SLC35F3: variants seen among roughly 807,000 people sequenced by gnomAD.
The protein encoded by SLC35F3 is putative thiamine transporter SLC35F3.
SLC35F3 carries 25 observed loss-of-function variants against 49.9 expected under a neutral mutation model. That is an observed-to-expected ratio of 0.50 (90% CI 0.37 to 0.70). The LOEUF (loss-of-function observed/expected upper bound fraction) is 0.70. Ranked by LOEUF, SLC35F3 falls within the 30% of genes least tolerant of loss-of-function variation. The pLI is 0.00. For synonymous variants in SLC35F3, 275 were observed against 265.4 expected, an observed-to-expected ratio of 1.04 and a Z score of -0.35; for missense variants, 525 against 639.8, an observed-to-expected ratio of 0.82 and a Z score of 1.94.
chr1:234,155,328 T>G (rs1267491769), intron 2 of SLC35F3, among the ~76,000 whole-genome samples: 1 of 152,124 alleles, frequency 6.6e-6, no homozygotes, highest in African/African-American at 2.4e-5. Flanking sequence ...ACTGGTTTCT[T>G]AGCCCCTTCT....
At chr1:234,049,945 T>C (rs1351078329) in intron 2 of SLC35F3, among the ~76,000 whole-genome samples, 1 of 152,232 alleles carries the variant, frequency 6.6e-6, no homozygotes, top group African/African-American at 2.4e-5. Context: ...GCTTCATCCA[T>C]GTCCCTACAA....
intron 2 of SLC35F3, among the ~76,000 whole-genome samples, chr1:234,094,775 G>A (rs1665093733): frequency 6.6e-6 from 1 of 152,134 alleles, no homozygotes; most frequent in South Asian, 2.1e-4. Context: ...GATGGCAATT[G>A]GTGAAGTAGA....
chr1:234,127,367 T>C (rs1484748487), intron 2 of SLC35F3, among the ~76,000 whole-genome samples: 2 of 152,214 alleles, frequency 1.3e-5, no homozygotes. Flanking sequence ...ATCATGTCAT[T>C]GCACCTATTT....
In SLC35F3 at chr1:234,111,776, G is replaced by A. The variant is rs529510937; in HGVS notation, c.284-119641G>A. On this transcript the variant is annotated intron_variant, in intron 2 of 7. Coordinates refer to ENST00000366618, the MANE Select transcript of SLC35F3 (RefSeq NM_173508.4). ...GACAGCGGCCTCAGAGCTCAGGCCT[G>A]GAGAAAGCTGAGAATTATGCTAAGG... Among the ~76,000 whole-genome samples, 915 of 152,308 alleles carry A rather than the reference G, an allele frequency of 6.0e-3. 4 individuals carry two copies. The highest frequency in any genetic ancestry group is 9.4e-3 in the Non-Finnish European group (638 of 68,034).
intron 3 of SLC35F3, among the ~76,000 whole-genome samples, chr1:234,294,359 C>T (rs1668558847): frequency 1.3e-5 from 2 of 152,182 alleles, no homozygotes; most frequent in African/African-American, 2.4e-5. Context: ...GGCAGCGACT[C>T]TCTTTCTGGT....
intron 4 of SLC35F3, among the ~76,000 whole-genome samples, chr1:234,309,911 T>C (rs1315358535): frequency 6.6e-6 from 1 of 152,220 alleles, no homozygotes; most frequent in Non-Finnish European, 1.5e-5. Context: ...AGTGAAATTA[T>C]ATCCCTTGAA....
intron 2 of SLC35F3, among the ~76,000 whole-genome samples, chr1:234,013,477 A>C (rs1663755173): frequency 6.6e-6 from 1 of 152,018 alleles, no homozygotes; most frequent in Non-Finnish European, 1.5e-5. Context: ...AAGGAAGGAA[A>C]TAACAAAAAT....
chr1:234,263,400 C>G (rs1003223094), intron 3 of SLC35F3, among the ~76,000 whole-genome samples: 10 of 151,868 alleles, frequency 6.6e-5, no homozygotes, highest in African/African-American at 2.2e-4. Context: ...CAAAATAAAC[C>G]CTCTGTTCCA....
At chr1:234,155,233 G>A (rs1263813726) in intron 2 of SLC35F3, among the ~76,000 whole-genome samples, 1 of 152,086 alleles carries the variant, frequency 6.6e-6, no homozygotes, top group Non-Finnish European at 1.5e-5. Flanking sequence ...TGATTTATCT[G>A]CTTTGTTTCA....
intron 3 of SLC35F3, among the ~76,000 whole-genome samples, chr1:234,271,843 G>C (rs1668112011): frequency 6.6e-6 from 1 of 152,140 alleles, no homozygotes; most frequent in Admixed American, 6.5e-5. Context: ...AAGAGAACAA[G>C]GCCAGATGCA....
At chr1:234,114,679 A>G (rs961305686) in intron 2 of SLC35F3, among the ~76,000 whole-genome samples, 1 of 152,230 alleles carries the variant, frequency 6.6e-6, no homozygotes, top group Non-Finnish European at 1.5e-5. Flanking sequence ...AAGAAATTTT[A>G]AACCTAGGAA....
At chr1:234,210,488 A>C (rs1441243015) in intron 2 of SLC35F3, among the ~76,000 whole-genome samples, 1 of 152,246 alleles carries the variant, frequency 6.6e-6, no homozygotes, top group African/African-American at 2.4e-5. Context: ...AAATGCTGAT[A>C]GCAATATGGA....
At position 234,057,394 on chromosome 1, in the gene SLC35F3, G is replaced by A. The variant is rs575741706; in HGVS notation, c.283+151636G>A. Among the ~76,000 whole-genome samples, 3 of 152,140 alleles carry A rather than the reference G, an allele frequency of 2.0e-5. No individual in the cohort carries two copies. The South Asian group carries it at 6.2e-4, about 32-fold the overall frequency. On this transcript the variant is annotated intron_variant, in intron 2 of 7. Coordinates refer to ENST00000366618, the MANE Select transcript of SLC35F3 (RefSeq NM_173508.4). ...CTTCATTTGTTGAATTTATTCCACA[G>A]TATTTTATTATTTTTTATGCTATTG...
chr1:234,268,795 C>T (rs545374348), intron 3 of SLC35F3: 2 of 152,130 alleles, frequency 1.3e-5, no homozygotes, highest in East Asian at 1.9e-4. Flanking sequence ...CAGTGGACTT[C>T]GGCAGTAGAC....
At chr1:234,263,922 A>C (rs551894332) in intron 3 of SLC35F3, among the ~76,000 whole-genome samples, 1 of 152,318 alleles carries the variant, frequency 6.6e-6, no homozygotes, top group East Asian at 1.9e-4. Context: ...CAGCCTGGCC[A>C]ACATGGTGAA....
intron 2 of SLC35F3, among the ~76,000 whole-genome samples, chr1:233,955,155 G>A (rs1410595298): frequency 6.6e-6 from 1 of 151,990 alleles, no homozygotes; most frequent in East Asian, 1.9e-4. Context: ...GTCTTCTTAT[G>A]TGAAAAAAAT....
chr1:234,225,915 A>C (rs1490619873), intron 2 of SLC35F3, among the ~76,000 whole-genome samples: 1 of 152,242 alleles, frequency 6.6e-6, no homozygotes, highest in Non-Finnish European at 1.5e-5. Context: ...TGTTAAATGA[A>C]AGAAGTCAGA....
At chr1:234,140,078 T>G (rs1261269175) in intron 2 of SLC35F3, among the ~76,000 whole-genome samples, 2 of 152,004 alleles carry the variant, frequency 1.3e-5, no homozygotes, top group African/African-American at 4.8e-5. Context: ...AAGTGACTAA[T>G]GGGCAGGTAG....
chr1:234,054,066 C>T (rs984484089), intron 2 of SLC35F3, among the ~76,000 whole-genome samples: 5 of 152,152 alleles, frequency 3.3e-5, no homozygotes, highest in African/African-American at 4.8e-5. Context: ...TCTCTGGCAC[C>T]CTTAACATTT....
Sources: allele counts gnomAD v4.1 joint callset (sites outside exome capture counted in the v4.1 genomes callset), GRCh38; gene constraint gnomAD v4.1.1; transcripts MANE v1.5; gene names NCBI Gene and HGNC (gene_info 2026-07-23, HGNC 2026-07-21).